Variants in FRS2 observed in about 807,000 individuals in gnomAD.
The protein encoded by FRS2 is FGFR signalling adaptor.
FRS2 carries 8 observed loss-of-function variants against 43.9 expected under a neutral mutation model. The observed-to-expected ratio is 0.18, with a 90% CI of 0.11 to 0.33. The LOEUF is 0.33. Among genes scored for constraint, FRS2 ranks in the 10% least tolerant of loss-of-function variants. The probability of loss-of-function intolerance (pLI) is 1.00; values close to 1 mark genes in which losing one functional copy is unlikely to be tolerated. For missense variants in FRS2, 534 were observed against 627.6 expected, an observed-to-expected ratio of 0.85 and a Z score of 1.59; for synonymous variants, 219 against 220.3, an observed-to-expected ratio of 0.99 and a Z score of 0.05.
chr12:69,538,039 T>C (rs958918701), intron 3 of FRS2: 4 of 152,496 alleles, frequency 2.6e-5, no homozygotes, highest in African/African-American at 9.7e-5. Flanking sequence ...TGCAACTGTA[T>C]GGAAGGCAGT....
Position 69,545,766 on chromosome 12 carries a change from A to C in FRS2, c.-122+13710A>C, listed in dbSNP as rs977370665. ...GTGAGACCCTGTCTCAAAAAAAAAA[A>C]AAAAAAAAAAAACAAAAACAAAAAC... On this transcript the variant is annotated intron_variant, in intron 3 of 8. Transcript: ENST00000549921. Among the ~76,000 whole-genome samples the C allele has an allele frequency of 2.2e-4, 33 of 150,892 alleles. 1 individual carries two copies. Among genetic ancestry groups the C allele is most frequent in the African/African-American group, 6.3e-4 (26 of 41,286 alleles).
At chr12:69,514,201 G>A (rs959482788) in intron 1 of FRS2, among the ~76,000 whole-genome samples, 1 of 152,096 alleles carries the variant, frequency 6.6e-6, no homozygotes, top group South Asian at 2.1e-4. Context: ...TGTTGTGAGG[G>A]TTGGAGAACC....
intron 4 of FRS2, among the ~76,000 whole-genome samples, chr12:69,566,583 A>C (rs1880315869): frequency 6.6e-6 from 1 of 150,718 alleles, no homozygotes; most frequent in African/African-American, 2.5e-5. Flanking sequence ...CTCCAGCCTG[A>C]GCAACAAGAG....
At chr12:69,538,195 TTTTATATATATATATATATA>T (rs1405957357) in intron 3 of FRS2, among the ~76,000 whole-genome samples, 1 of 76,894 alleles carries the variant, frequency 1.3e-5, no homozygotes, top group Non-Finnish European at 2.4e-5. Context: ...AAAAAACAAA[TTTTATATATATATATATATA>T]TATATATAGC....
intron 1 of FRS2, among the ~76,000 whole-genome samples, chr12:69,520,376 G>GTT (rs112572825): frequency 0.079 from 8,641 of 109,964 alleles, 441 homozygotes; most frequent in Non-Finnish European, 0.12. Context: ...TCTATTATTA[G>GTT]TTTTTTTTTT....
rs1009261786 is a variant in FRS2, at chr12:69,568,996, T to C, written c.-26-9T>C. On this transcript the variant is annotated splice_polypyrimidine_tract_variant and intron_variant, in intron 4 of 8. Transcript: ENST00000549921. ...TCTAATAAATTTTTCCAAATTATTT[T>C]TCATGTAGTGCACACATGGTCTTCT... 5 of 1,446,096 alleles carry C rather than the reference T, an allele frequency of 3.5e-6. No homozygotes were observed. In the African/African-American group the frequency reaches 7.1e-5, roughly 21 times the overall value. The allele number at this position is 1,446,096 out of a possible 1,614,324, so 89.6% of individuals were successfully genotyped here.
At chr12:69,540,618 T>C (rs1186167007) in intron 3 of FRS2, among the ~76,000 whole-genome samples, 3 of 152,182 alleles carry the variant, frequency 2.0e-5, no homozygotes, top group Non-Finnish European at 4.4e-5. Flanking sequence ...CTCCAAATAA[T>C]GTATGTCAAT....
At position 69,574,900 on chromosome 12, in the gene FRS2, G is replaced by A. The variant is rs1881081307; in HGVS notation, c.1472G>A (p.Arg491Gln). 5.0e-6 allele frequency: 8 copies of A among 1,613,736 alleles called. No homozygotes were observed. The highest frequency in any genetic ancestry group is 3.3e-5 in the Admixed American group (2 of 60,026). Residue 491 changes from arginine to glutamine, a missense_variant, in exon 9 of 9, where the codon CGA becomes CAA. Physicochemically the swap from Arg to Gln is conservative, Grantham distance 43. Coordinates refer to ENST00000549921, the MANE Select transcript of FRS2 (RefSeq NM_001278356.2). ...AMSNLQKALP[R>Q]DDGTSRKTRH... ...TCAAATTTGCAGAAAGCACTGCCAC[G>A]AGATGATGGTACATCTAGGAAAACT...
intron 2 of FRS2, among the ~76,000 whole-genome samples, chr12:69,531,665 C>T (rs908294144): frequency 8.2e-5 from 10 of 122,446 alleles, no homozygotes; most frequent in East Asian, 2.2e-4. Flanking sequence ...TGAATTACAC[C>T]GAAAAAAAAA....
intron 1 of FRS2, among the ~76,000 whole-genome samples, chr12:69,497,708 G>T (rs953108918): frequency 6.6e-6 from 1 of 152,172 alleles, no homozygotes; most frequent in Non-Finnish European, 1.5e-5. Context: ...GTAGATATTC[G>T]GGAGAGAACA....
At chr12:69,548,184 T>C (rs1224757254) in intron 3 of FRS2, among the ~76,000 whole-genome samples, 2 of 152,200 alleles carry the variant, frequency 1.3e-5, no homozygotes, top group Non-Finnish European at 2.9e-5. Context: ...AGAATTAATC[T>C]GGTTGCTGTG....
chr12:69,512,614 A>G (rs1435098039), intron 1 of FRS2, among the ~76,000 whole-genome samples: 2 of 152,150 alleles, frequency 1.3e-5, no homozygotes, highest in African/African-American at 4.8e-5. Flanking sequence ...GTTTAGGTAT[A>G]TGTTCTGAGG....
chr12:69,513,054 C>T (rs1874615210), intron 1 of FRS2, among the ~76,000 whole-genome samples: 1 of 151,880 alleles, frequency 6.6e-6, no homozygotes, highest in Non-Finnish European at 1.5e-5. Context: ...GCCTCAGCCA[C>T]TTGTAAGGTG....
At chr12:69,567,455 C>T (rs1031006394) in intron 4 of FRS2, among the ~76,000 whole-genome samples, 2 of 152,094 alleles carry the variant, frequency 1.3e-5, no homozygotes, top group African/African-American at 4.8e-5. Context: ...CTTCTGTATG[C>T]TAGGTATCGT....
chr12:69,483,566 C>T (rs1022154600), intron 1 of FRS2, among the ~76,000 whole-genome samples: 2 of 152,042 alleles, frequency 1.3e-5, no homozygotes, highest in African/African-American at 2.4e-5. Context: ...TTTTCATATA[C>T]ATCTTCTATC....
chr12:69,498,035 A>G (rs184827239), intron 1 of FRS2, among the ~76,000 whole-genome samples: 2 of 151,982 alleles, frequency 1.3e-5, no homozygotes, highest in Admixed American at 1.3e-4. Context: ...TTTTATGTGT[A>G]CATTAACTTT....
intron 3 of FRS2, among the ~76,000 whole-genome samples, chr12:69,557,637 CAG>C (rs1879533403): frequency 1.4e-5 from 2 of 142,652 alleles, no homozygotes; most frequent in African/African-American, 5.6e-5. Flanking sequence ...CGCGCGCGCG[CAG>C]GTGCATGCAC....
At chr12:69,498,983 A>G (rs1054081617) in intron 1 of FRS2, among the ~76,000 whole-genome samples, 2 of 152,176 alleles carry the variant, frequency 1.3e-5, no homozygotes, top group African/African-American at 4.8e-5. Flanking sequence ...TGCTTAGCCA[A>G]GGTATCTGGA....
At chr12:69,549,992 C>T (rs1403062968) in intron 3 of FRS2, among the ~76,000 whole-genome samples, 3 of 152,170 alleles carry the variant, frequency 2.0e-5, no homozygotes, top group Non-Finnish European at 4.4e-5. Flanking sequence ...TGGGCAGTCT[C>T]ATCTGTCCGT....
Sources: gnomAD v4.1 joint callset for allele counts (sites outside exome capture counted in the v4.1 genomes callset) on GRCh38, gnomAD v4.1.1 for gene constraint, MANE v1.5 for transcripts, NCBI Gene and HGNC (gene_info 2026-07-23, HGNC 2026-07-21) for gene names.